DACH2: variants seen among roughly 807,000 people sequenced by gnomAD.
The protein encoded by DACH2 is dachshund homolog 2.
A neutral mutation model predicts 35.8 loss-of-function variants in DACH2; 17 were observed. That is an observed-to-expected ratio of 0.48 (90% CI 0.33 to 0.71). The LOEUF is 0.71. Ranked by LOEUF, DACH2 falls within the 30% of genes least tolerant of loss-of-function variation. The pLI is 0.02. For synonymous variants in DACH2, 195 were observed against 177.3 expected (o/e 1.10, Z -0.79); for missense variants, 469 against 472.7 (o/e 0.99, Z 0.07).
At chrX:86,347,954 T>G (rs757575195) in intron 1 of DACH2, among the ~76,000 whole-genome samples, 1 of 112,260 alleles carries the variant, frequency 8.9e-6, no homozygotes, top group Non-Finnish European at 1.9e-5. Context: ...CTTCCAGTTG[T>G]TAAGTATTGA....
chrX:86,151,832 A>G (rs1459347126), intron 1 of DACH2, among the ~76,000 whole-genome samples: 2 of 111,446 alleles, frequency 1.8e-5, no homozygotes. Context: ...AACAGGAAAG[A>G]GGTCCAAGAG....
intron 3 of DACH2, among the ~76,000 whole-genome samples, chrX:86,517,574 A>G (rs760870631): frequency 1.1e-4 from 12 of 108,248 alleles, no homozygotes; most frequent in Non-Finnish European, 2.1e-4. Context: ...CCACCACCAC[A>G]CCTGGCTAAA....
intron 1 of DACH2, among the ~76,000 whole-genome samples, chrX:86,240,674 G>T (rs1047372666): frequency 4.6e-5 from 5 of 109,466 alleles, no homozygotes; most frequent in Non-Finnish European, 9.5e-5. Context: ...TGGTGATATG[G>T]TTTGGCTCTG....
chrX:86,309,716 G>A (rs1315946265), intron 1 of DACH2, among the ~76,000 whole-genome samples: 1 of 112,232 alleles, frequency 8.9e-6, no homozygotes, highest in African/African-American at 3.2e-5. Flanking sequence ...ATATTCTAAA[G>A]TAGAGAATAA....
At chrX:86,434,227 A>C (rs904697948) in intron 2 of DACH2, among the ~76,000 whole-genome samples, 4 of 111,942 alleles carry the variant, frequency 3.6e-5, no homozygotes, top group African/African-American at 1.3e-4. Context: ...ACATAATTAT[A>C]TCTGTTTATG....
intron 1 of DACH2, among the ~76,000 whole-genome samples, chrX:86,298,659 A>T (rs981546052): frequency 8.9e-6 from 1 of 111,955 alleles, no homozygotes; most frequent in Non-Finnish European, 1.9e-5. Flanking sequence ...ATTCTCTGTT[A>T]AAAATGTCAT....
intron 2 of DACH2, among the ~76,000 whole-genome samples, chrX:86,468,428 A>G (rs1183380016): frequency 9.0e-6 from 1 of 110,916 alleles, no homozygotes; most frequent in Non-Finnish European, 1.9e-5. Flanking sequence ...TATACCATCT[A>G]TCATTGGTTC....
chrX:86,223,584 T>C (rs2032759582), intron 1 of DACH2, among the ~76,000 whole-genome samples: 1 of 111,935 alleles, frequency 8.9e-6, no homozygotes, highest in Non-Finnish European at 1.9e-5. Flanking sequence ...CATCCTTTTT[T>C]CTTTTCATAA....
intron 4 of DACH2, among the ~76,000 whole-genome samples, chrX:86,666,701 C>T (rs1209893877): frequency 1.8e-5 from 2 of 111,338 alleles, no homozygotes; most frequent in East Asian, 2.9e-4. Flanking sequence ...TCCCTTTGTA[C>T]ATAGAGTAAT....
intron 2 of DACH2, among the ~76,000 whole-genome samples, chrX:86,423,691 T>A (rs1256562038): frequency 1.8e-5 from 2 of 110,688 alleles, no homozygotes; most frequent in Non-Finnish European, 3.8e-5. Context: ...ATTTTTCCTC[T>A]GGTTGCTTGC....
In DACH2 at chrX:86,794,204, G is replaced by T. The variant is rs143420049; in HGVS notation, c.1241-18652G>T. Among the ~76,000 whole-genome samples, 575 of 110,305 alleles carry T rather than the reference G, an allele frequency of 5.2e-3. 4 individuals are homozygous for T. The highest frequency in any genetic ancestry group is 0.018 in the African/African-American group (540 of 30,414). On this transcript the variant is annotated intron_variant, in intron 7 of 11. Coordinates refer to ENST00000373125, the MANE Select transcript of DACH2 (RefSeq NM_053281.3). The stretch of plus-strand genomic sequence containing the variant: ...TGCATTCTCTATAAACCTTGTATCT[G>T]CTTGGACACAAACAGTATTGCAAAA...
intron 7 of DACH2, among the ~76,000 whole-genome samples, chrX:86,784,308 A>C (rs1230114402): frequency 5.4e-5 from 6 of 110,857 alleles, no homozygotes; most frequent in African/African-American, 1.6e-4. Flanking sequence ...AACAAAAAGT[A>C]AGCAAAGGAC....
intron 1 of DACH2, among the ~76,000 whole-genome samples, chrX:86,154,093 T>G (rs181478907): frequency 8.9e-4 from 100 of 111,742 alleles, no homozygotes; most frequent in Non-Finnish European, 1.6e-3. Context: ...TGATGCTTTC[T>G]TAGGTAACCT....
chrX:86,638,574 G>T (rs947109853), intron 3 of DACH2, among the ~76,000 whole-genome samples: 7 of 111,021 alleles, frequency 6.3e-5, no homozygotes, highest in African/African-American at 2.3e-4. Flanking sequence ...ATAAAAAAAA[G>T]ACCCCATTAA....
intron 3 of DACH2, among the ~76,000 whole-genome samples, chrX:86,520,180 G>T (rs889009316): frequency 3.6e-5 from 4 of 111,619 alleles, no homozygotes; most frequent in African/African-American, 1.3e-4. Flanking sequence ...TCATTCAGGA[G>T]CATGTTGCTT....
At chrX:86,588,875 G>A (rs891637550) in intron 3 of DACH2, among the ~76,000 whole-genome samples, 2 of 111,134 alleles carry the variant, frequency 1.8e-5, no homozygotes, top group Middle Eastern at 4.6e-3. Context: ...CATGATTGCC[G>A]TGGCTAGGAC....
At chrX:86,475,029 C>T (rs192913967) in intron 2 of DACH2, among the ~76,000 whole-genome samples, 107 of 111,921 alleles carry the variant, frequency 9.6e-4, no homozygotes, top group African/African-American at 3.3e-3. Flanking sequence ...GCCACTGCTC[C>T]TGGCCTATGT....
At chrX:86,241,462 A>T (rs889357127) in intron 1 of DACH2, among the ~76,000 whole-genome samples, 3 of 111,959 alleles carry the variant, frequency 2.7e-5, no homozygotes, top group Non-Finnish European at 5.6e-5. Context: ...TTCTAACAGC[A>T]TATGCTGATA....
intron 7 of DACH2, among the ~76,000 whole-genome samples, chrX:86,764,373 T>C (rs765967285): frequency 1.8e-5 from 2 of 110,614 alleles, no homozygotes; most frequent in Non-Finnish European, 3.8e-5. Context: ...GCCCATTCCT[T>C]CCTCCCTTCC....
Sources: gnomAD v4.1 joint callset for allele counts (sites outside exome capture counted in the v4.1 genomes callset) on GRCh38, gnomAD v4.1.1 for gene constraint, MANE v1.5 for transcripts, NCBI Gene and HGNC (gene_info 2026-07-23, HGNC 2026-07-21) for gene names.